Variants in LRFN5 observed in about 807,000 individuals in gnomAD.
LRFN5 encodes leucine-rich repeat and fibronectin type-III domain-containing protein 5.
Under a neutral mutation model 45.6 loss-of-function variants are expected in LRFN5, and 24 were observed. The ratio of observed to expected loss-of-function variants is 0.53; its 90% CI spans 0.38 to 0.74. The LOEUF (loss-of-function observed/expected upper bound fraction) is 0.74, where lower values mean the gene tolerates loss of function less well. Ranked by LOEUF, LRFN5 falls within the 30% of genes least tolerant of loss-of-function variation. The probability of loss-of-function intolerance (pLI) is 0.00; values close to 1 mark genes in which losing one functional copy is unlikely to be tolerated. For synonymous variants in LRFN5, 340 were observed against 313.8 expected, an observed-to-expected ratio of 1.08 and a Z score of -0.88; for missense variants, 776 against 861.5, an observed-to-expected ratio of 0.90 and a Z score of 1.24.
At chr14:41,834,035 G>A (rs1441147688) in intron 2 of LRFN5, among the ~76,000 whole-genome samples, 2 of 152,126 alleles carry the variant, frequency 1.3e-5, no homozygotes, top group African/African-American at 4.8e-5. Flanking sequence ...GCTTTCCAGG[G>A]AAAGCAAGGA....
chr14:41,719,798 G>A (rs529875735), intron 1 of LRFN5, among the ~76,000 whole-genome samples: 1 of 150,738 alleles, frequency 6.6e-6, no homozygotes, highest in East Asian at 2.0e-4. Context: ...ATTTCCCTTT[G>A]GATATATACC....
At chr14:41,734,067 C>T (rs1884300273) in intron 1 of LRFN5, among the ~76,000 whole-genome samples, 1 of 137,020 alleles carries the variant, frequency 7.3e-6, no homozygotes, top group Non-Finnish European at 1.5e-5. Flanking sequence ...CTCTTATTGC[C>T]CAGGCTGGGG....
chr14:41,767,251 A>ATT (rs201103728), intron 2 of LRFN5, among the ~76,000 whole-genome samples: 4 of 145,666 alleles, frequency 2.7e-5, no homozygotes, highest in East Asian at 2.0e-4. Flanking sequence ...GAATTTTCTG[A>ATT]TTTTTTTTTT....
chr14:41,854,520 A>G (rs1446533470), intron 2 of LRFN5, among the ~76,000 whole-genome samples: 1 of 152,228 alleles, frequency 6.6e-6, no homozygotes, highest in Non-Finnish European at 1.5e-5. Context: ...AAAGAAAAAA[A>G]GAAATGACCT....
At chr14:41,756,102 C>A (rs1425369278) in intron 1 of LRFN5, among the ~76,000 whole-genome samples, 1 of 152,216 alleles carries the variant, frequency 6.6e-6, no homozygotes, top group Non-Finnish European at 1.5e-5. Context: ...CCCCCACTCT[C>A]TTCTGGCTTG....
intron 2 of LRFN5, among the ~76,000 whole-genome samples, chr14:41,841,683 T>C (rs1260771398): frequency 6.6e-6 from 1 of 151,890 alleles, no homozygotes; most frequent in African/African-American, 2.4e-5. Context: ...AACATTCTTA[T>C]GTTTTTGTAG....
intron 1 of LRFN5, among the ~76,000 whole-genome samples, chr14:41,686,123 GT>G (rs1882109676): frequency 1.3e-5 from 2 of 151,938 alleles, no homozygotes; most frequent in Non-Finnish European, 2.9e-5. Context: ...GCATTTGTTT[GT>G]GTCCGCTCTT....
At chr14:41,781,333 G>T (rs1164803515) in intron 2 of LRFN5, among the ~76,000 whole-genome samples, 1 of 151,836 alleles carries the variant, frequency 6.6e-6, no homozygotes, top group Non-Finnish European at 1.5e-5. Flanking sequence ...ACCAGCCTGG[G>T]CAATGTAGTG....
intron 1 of LRFN5, among the ~76,000 whole-genome samples, chr14:41,645,583 T>C (rs1010484161): frequency 1.3e-5 from 2 of 152,226 alleles, no homozygotes; most frequent in East Asian, 1.9e-4. Context: ...ACCTTGTAGA[T>C]GGTATTCAAA....
chr14:41,651,836 G>C (rs1477378456), intron 1 of LRFN5, among the ~76,000 whole-genome samples: 3 of 152,140 alleles, frequency 2.0e-5, no homozygotes, highest in Admixed American at 6.6e-5. Context: ...CTAGAGACTA[G>C]AAGTACAAGA....
At chr14:41,787,140 CTT>C (rs1667523558) in intron 2 of LRFN5, among the ~76,000 whole-genome samples, 1 of 151,824 alleles carries the variant, frequency 6.6e-6, no homozygotes, top group South Asian at 2.1e-4. Context: ...CTTTTTCTGA[CTT>C]GGGATAATAT....
chr14:41,647,365 A>AT (rs1460288063), intron 1 of LRFN5, among the ~76,000 whole-genome samples: 2 of 152,162 alleles, frequency 1.3e-5, no homozygotes, highest in African/African-American at 4.8e-5. Context: ...AAGTTTGGGC[A>AT]TTTTTTATAA....
At chr14:41,881,203 C>T (rs1890367115) in intron 2 of LRFN5, among the ~76,000 whole-genome samples, 1 of 152,004 alleles carries the variant, frequency 6.6e-6, no homozygotes, top group African/African-American at 2.4e-5. Flanking sequence ...TGGTGAACTG[C>T]TGTTGTTATA....
rs369361025 is a variant in LRFN5 at position 41,652,098 on chromosome 14, C to T, written c.-197+43536C>T. ...CATCGACATATGAATTTGAGGGGAG[C>T]ACAAACAAATTGAAGGAATGAATGA... On this transcript the variant is annotated intron_variant, in intron 1 of 5. Coordinates refer to ENST00000298119, the MANE Select transcript of LRFN5 (RefSeq NM_152447.5). 9.3e-4 allele frequency among the ~76,000 whole-genome samples: 142 copies of T among 152,098 alleles called. 3 individuals carry two copies. In the South Asian group the frequency reaches 0.028, roughly 30 times the overall value.
intron 1 of LRFN5, among the ~76,000 whole-genome samples, chr14:41,650,580 A>G (rs1259736443): frequency 1.3e-5 from 2 of 152,212 alleles, no homozygotes; most frequent in Non-Finnish European, 2.9e-5. Context: ...GTATGTATAA[A>G]ACTTAAATAT....
At position 41,859,036 on chromosome 14, in the gene LRFN5, A is replaced by G. The variant is rs142033101; in HGVS notation, c.-20-27570A>G. On this transcript the variant is annotated intron_variant, in intron 2 of 5. Coordinates refer to ENST00000298119, the MANE Select transcript of LRFN5 (RefSeq NM_152447.5). ...CACAGTAGTGTTTTGGAAAATGTAT[A>G]TTAATAGCTGGCTGGTCATTGAGGG... Among the ~76,000 whole-genome samples, 655 of 152,300 alleles carry G rather than the reference A, an allele frequency of 4.3e-3. 3 individuals are homozygous for G. The highest frequency in any genetic ancestry group is 0.015 in the African/African-American group (631 of 41,570).
chr14:41,814,604 C>G (rs1348232470), intron 2 of LRFN5, among the ~76,000 whole-genome samples: 2 of 152,078 alleles, frequency 1.3e-5, no homozygotes, highest in Non-Finnish European at 2.9e-5. Flanking sequence ...TAGTTCTGGC[C>G]TGGCCTTGTT....
intron 1 of LRFN5, among the ~76,000 whole-genome samples, chr14:41,635,916 C>T (rs1221931291): frequency 6.6e-6 from 1 of 152,130 alleles, no homozygotes; most frequent in African/African-American, 2.4e-5. Flanking sequence ...AATTTGCATA[C>T]TTTACCCTTA....
At position 41,891,367 on chromosome 14, in the gene LRFN5, A is replaced by T; in HGVS notation, c.1503A>T (p.Arg501Ser). 1 of 1,614,042 alleles carries T rather than the reference A, an allele frequency of 6.2e-7. No individual in the cohort carries two copies. Among genetic ancestry groups the T allele is most frequent in the Non-Finnish European group, 8.5e-7 (1 of 1,180,014 alleles). ...DDGITSLTAT[R>S]VVGCIQFTTE... ...GCATCACTTCCCTCACTGCCACAAG[A>T]GTCGTGGGTTGCATCCAGTTTACTA... The change falls in exon 4 of 6, where the codon AGA becomes AGT. Residue 501 changes from arginine to serine, a missense_variant. Transcript: ENST00000298119.
Sources: allele counts gnomAD v4.1 joint callset (sites outside exome capture counted in the v4.1 genomes callset), GRCh38; gene constraint gnomAD v4.1.1; transcripts MANE v1.5; gene names NCBI Gene and HGNC (gene_info 2026-07-23, HGNC 2026-07-21).